The following DENND1A variants were observed in gnomAD, a reference collection of about 807,000 sequenced individuals.
DENND1A encodes the protein DENN domain containing 1A.
In DENND1A, 51 loss-of-function variants were observed where a neutral mutation model predicts 113.7. That is an observed-to-expected ratio of 0.45 (90% CI 0.36 to 0.57). The LOEUF is 0.57. DENND1A is among the 20% of genes least tolerant of loss of function. The pLI is 0.00. For missense variants in DENND1A, 1,258 were observed against 1,395.9 expected (o/e 0.90, Z 1.57); for synonymous variants, 565 against 570.8 (o/e 0.99, Z 0.14).
chr9:123,701,733 G>A (rs1046230691), intron 5 of DENND1A, among the ~76,000 whole-genome samples: 2 of 152,172 alleles, frequency 1.3e-5, no homozygotes, highest in Non-Finnish European at 2.9e-5. Context: ...GTAGCCATGG[G>A]CTTAGCATGC....
At chr9:123,638,509 C>G (rs2061838987) in intron 9 of DENND1A, among the ~76,000 whole-genome samples, 1 of 152,170 alleles carries the variant, frequency 6.6e-6, no homozygotes, top group African/African-American at 2.4e-5. Flanking sequence ...CGTTCTGCCA[C>G]CCAGGCTGGC....
At chr9:123,513,438 G>A (rs2053619008) in intron 13 of DENND1A, among the ~76,000 whole-genome samples, 1 of 152,230 alleles carries the variant, frequency 6.6e-6, no homozygotes, top group South Asian at 2.1e-4. Flanking sequence ...CAGAACCGAG[G>A]CACTGGAATT....
chr9:123,634,608 T>C (rs992307488), intron 9 of DENND1A, among the ~76,000 whole-genome samples: 3 of 152,204 alleles, frequency 2.0e-5, no homozygotes, highest in East Asian at 1.9e-4. Flanking sequence ...ATTTGGAGTG[T>C]AGTCAACAAA....
intron 2 of DENND1A, among the ~76,000 whole-genome samples, chr9:123,799,101 A>G: frequency 6.6e-6 from 1 of 152,172 alleles, no homozygotes; most frequent in East Asian, 1.9e-4. Context: ...ATCACTCCAT[A>G]TGGTCTTCAT....
intron 13 of DENND1A, among the ~76,000 whole-genome samples, chr9:123,476,376 C>T (rs2049916563): frequency 6.6e-6 from 1 of 152,144 alleles, no homozygotes; most frequent in South Asian, 2.1e-4. Context: ...AGTGTCTACC[C>T]AAGAGCCTGG....
At chr9:123,663,151 T>C (rs976466976) in intron 8 of DENND1A, among the ~76,000 whole-genome samples, 1 of 152,158 alleles carries the variant, frequency 6.6e-6, no homozygotes, top group African/African-American at 2.4e-5. Context: ...TAAATAAGTA[T>C]GTCATTAAAA....
intron 13 of DENND1A, among the ~76,000 whole-genome samples, chr9:123,555,457 T>C (rs2057365351): frequency 6.6e-6 from 1 of 152,214 alleles, no homozygotes; most frequent in African/African-American, 2.4e-5. Flanking sequence ...TCACTGGCTA[T>C]GAGGGGCCCT....
intron 5 of DENND1A, among the ~76,000 whole-genome samples, chr9:123,756,117 G>A (rs1228841891): frequency 1.3e-5 from 2 of 152,128 alleles, no homozygotes; most frequent in East Asian, 3.9e-4. Flanking sequence ...TCTCCATGTT[G>A]CTCAGGCTGG....
Position 123,381,423 on chromosome 9 carries a change from G to A in DENND1A, c.*9C>T, listed in dbSNP as rs753594548. 6.2e-7 allele frequency: 1 copy of A among 1,612,442 alleles called. No individual in the cohort carries two copies. Among genetic ancestry groups the A allele is most frequent in the African/African-American group, 1.3e-5 (1 of 75,034 alleles). On this transcript the variant is annotated 3_prime_UTR_variant, in exon 24 of 24. Transcript: ENST00000394215. The surrounding 1 kb of genome is among the most constrained non-coding windows in gnomAD (Gnocchi z 4.7). ...GGCCTCGGTGCATCCCCCACCCTCA[G>A]GGCCCGGCTCACTCGAAGGTCTCCC...
chr9:123,564,792 C>T (rs2057955647), intron 12 of DENND1A, among the ~76,000 whole-genome samples: 2 of 152,132 alleles, frequency 1.3e-5, no homozygotes, highest in African/African-American at 4.8e-5. Flanking sequence ...CCATATTGGA[C>T]AACACAGGGC....
At chr9:123,858,961 A>G (rs868290233) in intron 2 of DENND1A, among the ~76,000 whole-genome samples, 2 of 152,346 alleles carry the variant, frequency 1.3e-5, no homozygotes, top group Middle Eastern at 6.8e-3. Context: ...AAATCCATAC[A>G]AAAATAATAA....
At chr9:123,464,994 C>CAAAAA (rs10655282) in intron 13 of DENND1A, among the ~76,000 whole-genome samples, 11 of 70,552 alleles carry the variant, frequency 1.6e-4, no homozygotes, top group East Asian at 4.4e-4. Context: ...ACTAAAAATA[C>CAAAAA]AAAAAAAAAA....
At chr9:123,736,748 G>A (rs1589866618) in intron 5 of DENND1A, among the ~76,000 whole-genome samples, 1 of 152,168 alleles carries the variant, frequency 6.6e-6, no homozygotes, top group Middle Eastern at 3.2e-3. Context: ...ACATTATTTT[G>A]ATTTGAATTT....
intron 11 of DENND1A, among the ~76,000 whole-genome samples, chr9:123,585,418 C>T (rs878999987): frequency 6.6e-6 from 1 of 152,158 alleles, no homozygotes; most frequent in South Asian, 2.1e-4. Flanking sequence ...GCAGTTTTTA[C>T]CAAAGTAATG....
intron 7 of DENND1A, 27 bp from the exon 8 acceptor site, chr9:123,667,106 A>T: frequency 6.3e-7 from 1 of 1,582,156 alleles, no homozygotes; most frequent in African/African-American, 1.4e-5. Flanking sequence ...AAAGTGATTT[A>T]TTTCTGCTAA....
intron 2 of DENND1A, among the ~76,000 whole-genome samples, chr9:123,813,768 T>TAAGATACC (rs1394590291): frequency 6.6e-6 from 1 of 152,184 alleles, no homozygotes; most frequent in Non-Finnish European, 1.5e-5. Flanking sequence ...TTAATACTCA[T>TAAGATACC]AAGATACCAA....
At chr9:123,793,906 T>A (rs974596583) in intron 2 of DENND1A, among the ~76,000 whole-genome samples, 3 of 152,218 alleles carry the variant, frequency 2.0e-5, no homozygotes, top group Non-Finnish European at 2.9e-5. Flanking sequence ...TATCTGCAAG[T>A]GATTTCAACT....
At chr9:123,635,249 T>C (rs1010412656) in intron 9 of DENND1A, among the ~76,000 whole-genome samples, 3 of 152,244 alleles carry the variant, frequency 2.0e-5, no homozygotes, top group Non-Finnish European at 4.4e-5. Flanking sequence ...GGTACCATGT[T>C]GGGGTTTAGA....
intron 2 of DENND1A, among the ~76,000 whole-genome samples, chr9:123,877,551 T>A (rs1460432460): frequency 6.6e-6 from 1 of 150,604 alleles, no homozygotes; most frequent in Non-Finnish European, 1.5e-5. Flanking sequence ...AGGCCGGGCA[T>A]GGTGGCTCAT....
Sources: gnomAD v4.1 joint callset for allele counts (sites outside exome capture counted in the v4.1 genomes callset) on GRCh38, gnomAD v4.1.1 for gene constraint, Gnocchi (gnomAD v3.1) non-coding constraint, MANE v1.5 for transcripts, NCBI Gene and HGNC (gene_info 2026-07-23, HGNC 2026-07-21) for gene names.